Variants in ODAD2 observed in about 807,000 individuals in gnomAD.
The protein encoded by ODAD2 is outer dynein arm docking complex subunit 2.
In ODAD2, 89 loss-of-function variants were observed where a neutral mutation model predicts 106.8. The ratio of observed to expected loss-of-function variants is 0.83; its 90% CI spans 0.70 to 0.99. The LOEUF is 0.99. Ranked by LOEUF, ODAD2 falls within the 50% of genes least tolerant of loss-of-function variation. The pLI, the probability that ODAD2 is intolerant of heterozygous loss-of-function variation, is 0.00. For synonymous variants in ODAD2, 404 were observed against 436.2 expected, an observed-to-expected ratio of 0.93 and a Z score of 0.92; for missense variants, 1,168 against 1,238.5, an observed-to-expected ratio of 0.94 and a Z score of 0.85.
intron 17 of ODAD2, among the ~76,000 whole-genome samples, chr10:27,896,167 T>G (rs1377483861): frequency 6.6e-6 from 1 of 152,202 alleles, no homozygotes; most frequent in East Asian, 1.9e-4. Context: ...GCCACAAAGA[T>G]TTACTTTCTG....
intron 2 of ODAD2, among the ~76,000 whole-genome samples, chr10:27,990,674 T>C (rs1442139022): frequency 2.0e-5 from 3 of 152,192 alleles, no homozygotes; most frequent in African/African-American, 4.8e-5. Flanking sequence ...CAATATTATT[T>C]TATAGGTTGA....
chr10:27,959,014 C>T (rs902766784), intron 10 of ODAD2: 2 of 1,302,186 alleles, frequency 1.5e-6, no homozygotes, highest in African/African-American at 3.1e-5. Context: ...TTGGGAAAAA[C>T]TCAGGACTCT....
At chr10:27,827,363 C>A (rs1379774163) in intron 19 of ODAD2, among the ~76,000 whole-genome samples, 1 of 114,220 alleles carries the variant, frequency 8.8e-6, no homozygotes, top group Non-Finnish European at 1.7e-5. Context: ...CAGACACACA[C>A]ATACACACAC....
At chr10:27,928,323 C>T (rs891703958) in intron 16 of ODAD2, among the ~76,000 whole-genome samples, 10 of 152,086 alleles carry the variant, frequency 6.6e-5, no homozygotes, top group Admixed American at 3.3e-4. Context: ...CATCCATTCT[C>T]TTCCATCATA....
intron 10 of ODAD2, among the ~76,000 whole-genome samples, chr10:27,960,408 A>G (rs1446120625): frequency 6.6e-6 from 1 of 150,444 alleles, no homozygotes; most frequent in African/African-American, 2.4e-5. Context: ...GTGCAATGGC[A>G]TGATCTCGGC....
intron 2 of ODAD2, among the ~76,000 whole-genome samples, chr10:27,990,878 C>G (rs934950039): frequency 5.3e-5 from 8 of 152,050 alleles, no homozygotes; most frequent in Non-Finnish European, 1.5e-5. Context: ...CACTGAGATG[C>G]AGTGGAGTGA....
chr10:27,932,676 T>C (rs887169238), intron 16 of ODAD2, among the ~76,000 whole-genome samples: 6 of 152,212 alleles, frequency 3.9e-5, no homozygotes, highest in Admixed American at 3.9e-4. Context: ...TCTCAGTTTT[T>C]AGGTCTTGCT....
chr10:27,869,268 T>C (rs1197615099), intron 17 of ODAD2, among the ~76,000 whole-genome samples: 1 of 151,908 alleles, frequency 6.6e-6, no homozygotes, highest in Admixed American at 6.6e-5. Context: ...AGGCAACAAA[T>C]AGGCAGAGAA....
chr10:27,969,882 G>A (rs1451808912), intron 8 of ODAD2, among the ~76,000 whole-genome samples: 1 of 152,140 alleles, frequency 6.6e-6, no homozygotes, highest in African/African-American at 2.4e-5. Flanking sequence ...GAAGTGGGCG[G>A]ATTACTTGAG....
chr10:27,833,523 C>T (rs948083208), intron 19 of ODAD2, among the ~76,000 whole-genome samples: 11 of 152,126 alleles, frequency 7.2e-5, no homozygotes, highest in Non-Finnish European at 1.3e-4. Context: ...GCTTATGTGG[C>T]TACGTAGAAG....
chr10:27,847,569 C>T (rs1838876030), intron 19 of ODAD2, among the ~76,000 whole-genome samples: 1 of 151,794 alleles, frequency 6.6e-6, no homozygotes, highest in East Asian at 1.9e-4. Context: ...AAGTTCTGGC[C>T]AGGGCAATCA....
chr10:27,837,670 T>G (rs948889034), intron 19 of ODAD2, among the ~76,000 whole-genome samples: 1 of 152,294 alleles, frequency 6.6e-6, no homozygotes, highest in Admixed American at 6.5e-5. Flanking sequence ...TAAACGTGGG[T>G]CATAAAGAAC....
intron 7 of ODAD2, among the ~76,000 whole-genome samples, chr10:27,980,526 T>A (rs988397367): frequency 2.6e-5 from 4 of 152,080 alleles, no homozygotes; most frequent in African/African-American, 9.7e-5. Context: ...AAGCAGACAT[T>A]TCTTCAAAAA....
intron 9 of ODAD2, among the ~76,000 whole-genome samples, chr10:27,963,286 C>T (rs1341581349): frequency 6.6e-6 from 1 of 152,138 alleles, no homozygotes; most frequent in Non-Finnish European, 1.5e-5. Context: ...GTATTACAAG[C>T]ATGAGCCACT....
intron 16 of ODAD2, among the ~76,000 whole-genome samples, chr10:27,915,964 G>T (rs1209828905): frequency 6.6e-6 from 1 of 152,150 alleles, no homozygotes; most frequent in Non-Finnish European, 1.5e-5. Context: ...ACCATGGAGT[G>T]TTAGAGCACA....
chr10:27,893,843 C>A (rs942830200), intron 17 of ODAD2, among the ~76,000 whole-genome samples: 1 of 152,140 alleles, frequency 6.6e-6, no homozygotes, highest in Non-Finnish European at 1.5e-5. Flanking sequence ...CCTACTGTCC[C>A]TCAGAATTTA....
intron 17 of ODAD2, among the ~76,000 whole-genome samples, chr10:27,869,894 G>A (rs1840733650): frequency 6.6e-6 from 1 of 152,136 alleles, no homozygotes; most frequent in South Asian, 2.1e-4. Context: ...CAACAGTGAT[G>A]TTTGATGATG....
At chr10:27,975,142 T>G (rs1849111520) in intron 7 of ODAD2, among the ~76,000 whole-genome samples, 3 of 152,188 alleles carry the variant, frequency 2.0e-5, no homozygotes, top group Admixed American at 1.3e-4. Flanking sequence ...AAAGCAGCTT[T>G]TGGGCTGAGG....
Position 27,995,162 on chromosome 10 carries a change from C to A in ODAD2, c.-20G>T. On this transcript the variant is annotated 5_prime_UTR_variant, in exon 2 of 20. Transcript: ENST00000305242. Reference sequence around the variant, plus strand: ...ACCCATGGGATCCACCGTGCTCAGACCTGAGCTTAGCACACGCACTACATC... The same window carrying A: ...ACCCATGGGATCCACCGTGCTCAGAACTGAGCTTAGCACACGCACTACATC... 1.8e-5 allele frequency: 29 copies of A among 1,613,892 alleles called. No homozygotes were observed. Among genetic ancestry groups the A allele is most frequent in the Non-Finnish European group, 2.3e-5 (27 of 1,179,908 alleles).
Sources: gnomAD v4.1 joint callset for allele counts (sites outside exome capture counted in the v4.1 genomes callset) on GRCh38, gnomAD v4.1.1 for gene constraint, MANE v1.5 for transcripts, NCBI Gene and HGNC (gene_info 2026-07-23, HGNC 2026-07-21) for gene names.